ROR2: variants seen among roughly 807,000 people sequenced by gnomAD.
ROR2 encodes tyrosine-protein kinase transmembrane receptor ROR2.
Under a neutral mutation model 74.9 loss-of-function variants are expected in ROR2, and 33 were observed. The ratio of observed to expected loss-of-function variants is 0.44; its 90% confidence interval spans 0.33 to 0.59. The LOEUF (loss-of-function observed/expected upper bound fraction) is 0.59. Ranked by LOEUF, ROR2 falls within the 20% of genes least tolerant of loss-of-function variation. ROR2 has a pLI of 0.02. For missense variants in ROR2, 1,216 were observed against 1,313.8 expected (o/e 0.93, Z 1.15); for synonymous variants, 586 against 558.7 (o/e 1.05, Z -0.69).
intron 1 of ROR2, among the ~76,000 whole-genome samples, chr9:91,818,539 G>A (rs1210079175): frequency 6.6e-6 from 1 of 151,300 alleles, no homozygotes; most frequent in Admixed American, 6.6e-5. Context: ...CCCCTCAGGT[G>A]ACATGGCAAT....
intron 1 of ROR2, among the ~76,000 whole-genome samples, chr9:91,882,591 T>G (rs1830147319): frequency 6.6e-6 from 1 of 152,128 alleles, no homozygotes; most frequent in Admixed American, 6.5e-5. Flanking sequence ...TGTTTATGGA[T>G]TGTTATGAAC....
In ROR2 at chr9:91,819,004, G is replaced by A. The variant is rs114105227; in HGVS notation, c.98-43186C>T. Reference sequence around the variant, plus strand: ...TTCTTCCATCCCAAGAAGAACCCACGGTCCCCACAGCTCTGTCCGGTCAGT... The same window carrying A: ...TTCTTCCATCCCAAGAAGAACCCACAGTCCCCACAGCTCTGTCCGGTCAGT... On this transcript the variant is annotated intron_variant, in intron 1 of 8. Coordinates refer to ENST00000375708, the MANE Select transcript of ROR2 (RefSeq NM_004560.4). Among the ~76,000 whole-genome samples the A allele has an allele frequency of 5.3e-3, 811 of 152,236 alleles. 6 individuals are homozygous for A. The highest frequency in any genetic ancestry group is 0.019 in the African/African-American group (784 of 41,542).
At chr9:91,834,383 G>T (rs1828555067) in intron 1 of ROR2, among the ~76,000 whole-genome samples, 1 of 152,220 alleles carries the variant, frequency 6.6e-6, no homozygotes, top group South Asian at 2.1e-4. Flanking sequence ...AGCCCTGCTG[G>T]AGGACAACCA....
chr9:91,870,019 T>G (rs1414253338), intron 1 of ROR2, among the ~76,000 whole-genome samples: 2 of 152,214 alleles, frequency 1.3e-5, no homozygotes, highest in Non-Finnish European at 2.9e-5. Flanking sequence ...TTTTTACACT[T>G]TAAAATTGTT....
intron 1 of ROR2, among the ~76,000 whole-genome samples, chr9:91,924,740 A>C (rs1335713944): frequency 2.0e-5 from 3 of 151,952 alleles, no homozygotes; most frequent in Admixed American, 6.6e-5. Context: ...TTGCAGTGAG[A>C]CAAGATCACG....
intron 1 of ROR2, among the ~76,000 whole-genome samples, chr9:91,847,527 G>A (rs1353106035): frequency 6.6e-6 from 1 of 152,190 alleles, no homozygotes; most frequent in African/African-American, 2.4e-5. Context: ...GAGACTTGAG[G>A]GCGCCAGAGG....
intron 1 of ROR2, among the ~76,000 whole-genome samples, chr9:91,938,199 C>T (rs1831751838): frequency 6.6e-6 from 1 of 152,188 alleles, no homozygotes; most frequent in South Asian, 2.1e-4. Context: ...AGTGGCACAC[C>T]TCTAATCCCA....
In ROR2 at chr9:91,949,964, G is replaced by A. The variant is rs1011038974; in HGVS notation, c.-1C>T. 35 of 1,461,236 alleles carry A rather than the reference G, an allele frequency of 2.4e-5. No individual in the cohort carries two copies. The highest frequency in any genetic ancestry group is 2.8e-5 in the Non-Finnish European group (31 of 1,113,840). The allele number at this position is 1,461,236 out of a possible 1,614,324, so 90.5% of individuals were successfully genotyped here. On this transcript the variant is annotated 5_prime_UTR_variant, in exon 1 of 9. Transcript: ENST00000375708. ...GCGGGAGCGCCGAGCCCCGGGCCAT[G>A]CCGCAGGCAGTGGGGGCCGGGAAGC...
At chr9:91,798,836 T>C (rs1339405182) in intron 1 of ROR2, among the ~76,000 whole-genome samples, 2 of 152,156 alleles carry the variant, frequency 1.3e-5, no homozygotes, top group African/African-American at 2.4e-5. Flanking sequence ...GTGCTTTCTA[T>C]TGTGACTCAG....
intron 1 of ROR2, among the ~76,000 whole-genome samples, chr9:91,929,551 A>G (rs1359751169): frequency 6.6e-6 from 1 of 152,208 alleles, no homozygotes; most frequent in African/African-American, 2.4e-5. Context: ...TTAGAGACAC[A>G]AAAGAACCAG....
Position 91,722,703 on chromosome 9 carries a change from G to A in ROR2, c.*959C>T. On this transcript the variant is annotated 3_prime_UTR_variant, in exon 9 of 9. Transcript: ENST00000375708. ...GCTGCCTGTGGGTCTGTGTGTAACAGGGGCTGTAAAATGAATGGACCTCAT... is the reference window on the plus strand; with the variant it reads ...GCTGCCTGTGGGTCTGTGTGTAACAAGGGCTGTAAAATGAATGGACCTCAT... 1 of 745,448 alleles carries A rather than the reference G, an allele frequency of 1.3e-6. No individual in the cohort carries two copies. Among genetic ancestry groups the A allele is most frequent in the Admixed American group, 1.8e-5 (1 of 55,420 alleles). 46.2% of individuals were successfully genotyped at this position (745,448 alleles called of 1,614,324 possible).
chr9:91,737,177 T>A (rs529355172), intron 5 of ROR2, among the ~76,000 whole-genome samples: 1 of 152,226 alleles, frequency 6.6e-6, no homozygotes, highest in Non-Finnish European at 1.5e-5. Flanking sequence ...CCACACTTGC[T>A]AATTTAAACA....
chr9:91,887,087 T>A (rs915022194), intron 1 of ROR2: 10 of 152,164 alleles, frequency 6.6e-5, no homozygotes, highest in Non-Finnish European at 1.2e-4. Context: ...GGCCTTGGGT[T>A]GCTACTCCAG....
intron 1 of ROR2, among the ~76,000 whole-genome samples, chr9:91,860,974 G>C (rs1829452898): frequency 6.6e-6 from 1 of 152,072 alleles, no homozygotes. Context: ...TAAACGATGT[G>C]AAAATGAAAC....
intron 1 of ROR2, among the ~76,000 whole-genome samples, chr9:91,939,840 C>T (rs1021674341): frequency 2.6e-5 from 4 of 152,162 alleles, no homozygotes; most frequent in Non-Finnish European, 4.4e-5. Flanking sequence ...ACAGGCTGTG[C>T]TGAAGGAGGT....
intron 1 of ROR2, among the ~76,000 whole-genome samples, chr9:91,930,917 T>C (rs1014086794): frequency 6.6e-6 from 1 of 152,198 alleles, no homozygotes; most frequent in Non-Finnish European, 1.5e-5. Flanking sequence ...ACTGGTGAAG[T>C]TGCTGAATCT....
intron 2 of ROR2, among the ~76,000 whole-genome samples, chr9:91,764,261 T>C (rs1257769797): frequency 1.3e-5 from 2 of 152,246 alleles, no homozygotes; most frequent in African/African-American, 4.8e-5. Flanking sequence ...CCTACTTTTA[T>C]CTTTTTAATA....
At chr9:91,948,936 T>G in intron 1 of ROR2, 1 of 984,726 alleles carries the variant, frequency 1.0e-6, no homozygotes, top group Non-Finnish European at 1.2e-6. Flanking sequence ...TAACGCCGCC[T>G]CCTCCAGGCA....
chr9:91,904,052 G>A (rs112315755), intron 1 of ROR2, among the ~76,000 whole-genome samples: 2 of 63,904 alleles, frequency 3.1e-5, no homozygotes, highest in South Asian at 8.7e-4. Flanking sequence ...GTTTTTTTTT[G>A]GGGGGGGGGA....
Sources: gnomAD v4.1 joint callset for allele counts (sites outside exome capture counted in the v4.1 genomes callset) on GRCh38, gnomAD v4.1.1 for gene constraint, MANE v1.5 for transcripts, NCBI Gene and HGNC (gene_info 2026-07-23, HGNC 2026-07-21) for gene names.